The following CAV1 variants were observed in gnomAD, a reference collection of about 807,000 sequenced individuals.
The protein encoded by CAV1 is caveolin-1.
A neutral mutation model predicts 16.5 loss-of-function variants in CAV1; 10 were observed. The observed-to-expected ratio is 0.61, with a 90% CI of 0.37 to 1.03. CAV1 has a LOEUF of 1.03. CAV1 is among the 50% of genes least tolerant of loss of function. CAV1 has a pLI of 0.01. For synonymous variants in CAV1, 76 were observed against 85.1 expected, an observed-to-expected ratio of 0.89 and a Z score of 0.59; for missense variants, 212 against 232.8, an observed-to-expected ratio of 0.91 and a Z score of 0.58.
chr7:116,525,489 C>G, intron 1 of CAV1: 2 of 1,283,222 alleles, frequency 1.6e-6, no homozygotes, highest in Non-Finnish European at 2.0e-6. Flanking sequence ...GTTATTTACC[C>G]GAGTCCTGGG....
chr7:116,555,518 A>AAGAAAGAGAGAGAGAG (rs1554357869), intron 2 of CAV1, among the ~76,000 whole-genome samples: 4 of 14,054 alleles, frequency 2.8e-4, no homozygotes, highest in African/African-American at 9.6e-4. Context: ...GAAAGAAAGA[A>AAGAAAGAGAGAGAGAG]AGAGAGAGAG....
chr7:116,534,649 C>T (rs960565862), intron 2 of CAV1, among the ~76,000 whole-genome samples: 1 of 151,460 alleles, frequency 6.6e-6, no homozygotes, highest in African/African-American at 2.4e-5. Context: ...ATCCGCTCGC[C>T]TCGGCCTCTC....
intron 2 of CAV1, among the ~76,000 whole-genome samples, chr7:116,552,580 T>A (rs548006360): frequency 6.6e-6 from 1 of 152,330 alleles, no homozygotes; most frequent in East Asian, 1.9e-4. Context: ...AGTAGCTTGA[T>A]AATGGCAAAA....
intron 1 of CAV1, chr7:116,525,888 G>T: frequency 1.0e-6 from 1 of 966,238 alleles, no homozygotes; most frequent in Non-Finnish European, 1.2e-6. Flanking sequence ...TGATCATCAC[G>T]GCGGATTGAG....
intron 1 of CAV1, 80 bp downstream of exon 1, chr7:116,525,172 C>T: frequency 6.2e-7 from 1 of 1,613,650 alleles, no homozygotes. Flanking sequence ...AATATCCCGA[C>T]TGCTGCCCTG....
chr7:116,536,419 G>C (rs1487128330), intron 2 of CAV1, among the ~76,000 whole-genome samples: 1 of 152,228 alleles, frequency 6.6e-6, no homozygotes, highest in African/African-American at 2.4e-5. Flanking sequence ...ACAAACCTGA[G>C]TGAGGTCATG....
In CAV1 at chr7:116,555,590, A is replaced by G. The variant is rs188954113; in HGVS notation, c.196-3356A>G. Among the ~76,000 whole-genome samples the G allele has an allele frequency of 2.0e-3, 199 of 99,138 alleles. 6 individuals are homozygous for G. The highest frequency in any genetic ancestry group is 6.2e-3 in the African/African-American group (153 of 24,622). 65.0% of individuals were successfully genotyped at this position (99,138 alleles called of 152,430 possible). On this transcript the variant is annotated intron_variant, in intron 2 of 2. Coordinates refer to ENST00000341049, the MANE Select transcript of CAV1 (RefSeq NM_001753.5). Reference sequence around the variant, plus strand: ...AAAGAAAGAAAGAAAGAAAGAAAGAAAGAAAGAAAGAAAGAGAAAGAAAGA... The same window carrying G: ...AAAGAAAGAAAGAAAGAAAGAAAGAGAGAAAGAAAGAAAGAGAAAGAAAGA...
chr7:116,552,241 G>T (rs1176972552), intron 2 of CAV1, among the ~76,000 whole-genome samples: 1 of 152,110 alleles, frequency 6.6e-6, no homozygotes, highest in African/African-American at 2.4e-5. Flanking sequence ...ATATTAATTT[G>T]TTTCAGTCTT....
intron 2 of CAV1, among the ~76,000 whole-genome samples, chr7:116,543,522 A>G (rs1033327782): frequency 6.6e-6 from 1 of 152,228 alleles, no homozygotes; most frequent in Non-Finnish European, 1.5e-5. Flanking sequence ...TCTTCCCTCT[A>G]ATCATCCTTG....
chr7:116,534,123 C>T (rs559068051), intron 2 of CAV1, among the ~76,000 whole-genome samples: 1 of 151,824 alleles, frequency 6.6e-6, no homozygotes, highest in African/African-American at 2.4e-5. Flanking sequence ...GTGGCTGAGG[C>T]ACGAGAATCG....
chr7:116,534,591 AG>A (rs1164852601), intron 2 of CAV1, among the ~76,000 whole-genome samples: 1 of 150,332 alleles, frequency 6.7e-6, no homozygotes, highest in East Asian at 2.0e-4. Context: ...TAGTAGAGAC[AG>A]GGTGTCACCG....
At chr7:116,550,741 A>G (rs965974416) in intron 2 of CAV1, among the ~76,000 whole-genome samples, 4 of 152,240 alleles carry the variant, frequency 2.6e-5, no homozygotes, top group African/African-American at 7.2e-5. Flanking sequence ...CACGTACATT[A>G]GGATTTTACA....
intron 2 of CAV1, among the ~76,000 whole-genome samples, chr7:116,542,542 G>A (rs970943680): frequency 2.6e-5 from 4 of 152,170 alleles, no homozygotes; most frequent in Non-Finnish European, 4.4e-5. Context: ...CCACAGTGGG[G>A]TAGTTATCAT....
intron 2 of CAV1, among the ~76,000 whole-genome samples, chr7:116,535,518 A>C (rs1793791459): frequency 6.6e-6 from 1 of 152,246 alleles, no homozygotes; most frequent in Non-Finnish European, 1.5e-5. Flanking sequence ...AAAATAGTTT[A>C]AACTATTTTT....
chr7:116,533,445 A>G (rs1218545559), intron 2 of CAV1, among the ~76,000 whole-genome samples: 1 of 152,046 alleles, frequency 6.6e-6, no homozygotes, highest in African/African-American at 2.4e-5. Flanking sequence ...TTTTGGGCAA[A>G]CTATTTTGTG....
At chr7:116,557,775 A>G (rs2116108360) in intron 2 of CAV1, among the ~76,000 whole-genome samples, 2 of 152,108 alleles carry the variant, frequency 1.3e-5, no homozygotes, top group East Asian at 1.9e-4. Flanking sequence ...AGTGACAGCA[A>G]CAGTCTCCCT....
chr7:116,552,716 C>T (rs1794188102), intron 2 of CAV1, among the ~76,000 whole-genome samples: 1 of 152,164 alleles, frequency 6.6e-6, no homozygotes, highest in Non-Finnish European at 1.5e-5. Context: ...GCCTCTGTCT[C>T]TTTTCATAAG....
intron 2 of CAV1, among the ~76,000 whole-genome samples, chr7:116,529,022 G>A (rs1336549828): frequency 6.6e-6 from 1 of 152,026 alleles, no homozygotes; most frequent in Non-Finnish European, 1.5e-5. Flanking sequence ...TGGAGACGGG[G>A]TTTCACCATG....
At position 116,559,298 on chromosome 7, in the gene CAV1, A is replaced by G. The variant is rs767326115; in HGVS notation, c.*11A>G. 1 of 1,599,734 alleles carries G rather than the reference A, an allele frequency of 6.3e-7. No homozygotes were observed. The highest frequency in any genetic ancestry group is 1.7e-5 in the Admixed American group (1 of 59,940). On this transcript the variant is annotated 3_prime_UTR_variant, in exon 3 of 3. Coordinates refer to ENST00000341049, the MANE Select transcript of CAV1 (RefSeq NM_001753.5). The stretch of plus-strand genomic sequence containing the variant: ...CAGAAAGAAATATAAATGACATTTC[A>G]AGGATAGAAGTATACCTGATTTTTT...
Sources: allele counts gnomAD v4.1 joint callset (sites outside exome capture counted in the v4.1 genomes callset), GRCh38; gene constraint gnomAD v4.1.1; transcripts MANE v1.5; gene names NCBI Gene and HGNC (gene_info 2026-07-23, HGNC 2026-07-21).